The following ARID3A variants were observed in gnomAD, a reference collection of about 807,000 sequenced individuals.
ARID3A encodes the protein AT-rich interaction domain 3A, also known as AT-rich interactive domain-containing protein 3A.
ARID3A carries 11 observed loss-of-function variants against 52.7 expected under a neutral mutation model. That is an observed-to-expected ratio of 0.21 (90% CI 0.13 to 0.35). The LOEUF is 0.35. Ranked by LOEUF, ARID3A falls within the 10% of genes least tolerant of loss-of-function variation. The pLI is 1.00. For synonymous variants in ARID3A, 404 were observed against 359.4 expected (o/e 1.12, Z -1.40); for missense variants, 721 against 838.5 (o/e 0.86, Z 1.73).
chr19:932,607 T>C lies in ARID3A; in HGVS notation c.558T>C (p.Asp186=). 1 of 1,519,494 alleles carries C rather than the reference T, an allele frequency of 6.6e-7. No homozygotes were observed. Among genetic ancestry groups the C allele is most frequent in the Non-Finnish European group, 8.8e-7 (1 of 1,135,754 alleles). 94.1% of individuals were successfully genotyped at this position (1,519,494 alleles called of 1,614,324 possible). ...AGCCACCCCAGGCCTTCCGCGGCGA[T>C]GGCGTTCCCAGGGTGCTGGGGGGCC... is the stretch of plus-strand genomic sequence containing the variant. ...KAQPPQAFRG[D]GVPRVLGGQE... The change falls in exon 3 of 9, where the codon GAT becomes GAC. Residue 186 remains aspartate (D), a synonymous_variant. Coordinates refer to ENST00000263620, the MANE Select transcript of ARID3A (RefSeq NM_005224.3).
At chr19:968,623 C>G (rs78850921) in intron 8 of ARID3A, 120 bp downstream of exon 8, 88,597 of 818,848 alleles carry the variant, frequency 0.11, 5,955 homozygotes, top group South Asian at 0.27. Context: ...GAGCAGGGCA[C>G]GGCCAGGGGC....
intron 7 of ARID3A, 116 bp from the exon 8 acceptor site, chr19:968,289 G>T: frequency 1.3e-6 from 1 of 782,302 alleles, no homozygotes; most frequent in South Asian, 1.8e-5. Flanking sequence ...AACCCAGGAG[G>T]CAGAGCTTGC....
At chr19:969,404 G>T (rs1188990478) in intron 8 of ARID3A, among the ~76,000 whole-genome samples, 1 of 151,588 alleles carries the variant, frequency 6.6e-6, no homozygotes, top group East Asian at 2.0e-4. Flanking sequence ...GGGCGTGGTG[G>T]CAGGCGCCCA....
intron 1 of ARID3A, among the ~76,000 whole-genome samples, chr19:927,896 C>T (rs1365614999): frequency 6.7e-6 from 1 of 149,920 alleles, no homozygotes; most frequent in African/African-American, 2.4e-5. Flanking sequence ...CACCCACCTG[C>T]CCCCCACTGC....
chr19:949,139 A>G (rs907184166), intron 3 of ARID3A, among the ~76,000 whole-genome samples: 1 of 152,174 alleles, frequency 6.6e-6, no homozygotes, highest in African/African-American at 2.4e-5. Context: ...AAACCTGGTT[A>G]CCAGAGAGGT....
At chr19:967,113 G>A (rs1439948897) in intron 7 of ARID3A, among the ~76,000 whole-genome samples, 1 of 152,098 alleles carries the variant, frequency 6.6e-6, no homozygotes, top group Non-Finnish European at 1.5e-5. Flanking sequence ...CAACAAATTA[G>A]CCGGGCGTGG....
rs763956766 is a variant in ARID3A at position 932,454 on chromosome 19, C to T, written c.405C>T (p.Asp135=). The T allele has an allele frequency of 5.7e-6, 9 of 1,587,294 alleles. No homozygotes were observed. In the South Asian group the frequency reaches 9.1e-5, roughly 16 times the overall value. ...PKWEEEEMEE[D]LGEDEEEEEE... is the part of the protein sequence containing the mutation. The stretch of plus-strand genomic sequence containing the variant: ...GGGAGGAGGAGGAGATGGAGGAAGA[C>T]CTCGGGGAGGATGAGGAGGAGGAGG... The change falls in exon 3 of 9, where the codon GAC becomes GAT. Residue 135 remains aspartate (D), a synonymous_variant. Transcript: ENST00000263620.
At position 974,794 on chromosome 19, in the gene ARID3A, G is replaced by A. The variant is rs1237268400; in HGVS notation, c.*2729G>A. ...TCTGTGGGCGATCCGGCCTCCCGGCGGTGGGTGGACCTGGATTCTAACTCA... is the reference window on the plus strand; with the variant it reads ...TCTGTGGGCGATCCGGCCTCCCGGCAGTGGGTGGACCTGGATTCTAACTCA... On this transcript the variant is annotated 3_prime_UTR_variant, in exon 9 of 9. Coordinates refer to ENST00000263620, the MANE Select transcript of ARID3A (RefSeq NM_005224.3). The A allele has an allele frequency of 2.2e-5, 5 of 231,218 alleles. No homozygotes were observed. Among genetic ancestry groups the A allele is most frequent in the African/African-American group, 4.4e-5 (2 of 45,080 alleles). The allele number at this position is 231,218 out of a possible 1,614,324, so 14.3% of individuals were successfully genotyped here.
chr19:965,073 C>G lies in ARID3A; in HGVS notation c.1191C>G (p.Ile397Met). 6.2e-7 allele frequency: 1 copy of G among 1,609,770 alleles called. No individual in the cohort carries two copies. The highest frequency in any genetic ancestry group is 8.5e-7 in the Non-Finnish European group (1 of 1,178,358). The stretch of plus-strand genomic sequence containing the variant: ...GCTCCATCACCCCCGCCCCTAAGAT[C>G]AAGAAAGGTAAGGGCCTGTATGGGG... ...NGSSITPAPK[I>M]KKEEDSAIPI... is the part of the protein sequence containing the mutation. Residue 397 changes from isoleucine to methionine, a missense_variant, in exon 6 of 9, where the codon ATC becomes ATG. Around this residue, in one of 5 missense-constraint regions of ARID3A, gnomAD observed 297 missense variants for 343.2 expected, o/e 0.87. Transcript: ENST00000263620.
In ARID3A at chr19:938,953, C is replaced by T. The variant is rs544796180; in HGVS notation, c.693+6211C>T. ...CTCTTTTTTTTTTTTTTTTTTGAGA[C>T]GGAGTCTTGTTTTGTCACCCAGGCT... On this transcript the variant is annotated intron_variant, in intron 3 of 8. Transcript: ENST00000263620. This position sits in a 1 kb window ranked among gnomAD's most constrained non-coding sequence, Gnocchi z 4.0. 4.0e-5 allele frequency among the ~76,000 whole-genome samples: 5 copies of T among 125,670 alleles called. No homozygotes were observed. The highest frequency in any genetic ancestry group is 1.6e-5 in the Non-Finnish European group (1 of 61,762). 82.4% of individuals were successfully genotyped at this position (125,670 alleles called of 152,430 possible). A position where few individuals can be genotyped will look rare whatever the true frequency, so the allele number is the denominator to read the frequency against.
Position 971,933 on chromosome 19 carries a change from AGGCGGCGGC to A in ARID3A, c.1660_1668del (p.Gly554_Gly556del). On this transcript the variant is annotated inframe_deletion, in exon 9 of 9. Transcript: ENST00000263620. Reference sequence around the variant, plus strand: ...CGCCAACCTCTGCTCCCAACAAAGGAGGCGGCGGCGGCGGCGGCAGCAGCAGCAACGCAG... The same window carrying A: ...CGCCAACCTCTGCTCCCAACAAAGGAGGCGGCGGCAGCAGCAGCAACGCAG... The A allele has an allele frequency of 1.3e-6, 2 of 1,583,212 alleles. No homozygotes were observed. Among genetic ancestry groups the A allele is most frequent in the East Asian group, 2.3e-5 (1 of 42,762 alleles).
In ARID3A at chr19:938,123, C is replaced by T. The variant is rs570510381; in HGVS notation, c.693+5381C>T. Among the ~76,000 whole-genome samples the T allele has an allele frequency of 6.6e-6, 1 of 151,668 alleles. No homozygotes were observed. Among genetic ancestry groups the T allele is most frequent in the African/African-American group, 2.4e-5 (1 of 41,326 alleles). ...CGTCCCAGAGTGCTGGGATCACAGA[C>T]GTGAGCCACCGCGCCCGGCCTGTTG... On this transcript the variant is annotated intron_variant, in intron 3 of 8. Coordinates refer to ENST00000263620, the MANE Select transcript of ARID3A (RefSeq NM_005224.3). This position sits in a 1 kb window ranked among gnomAD's most constrained non-coding sequence, Gnocchi z 4.0.
At position 972,555 on chromosome 19, in the gene ARID3A, C is replaced by T. The variant is rs1416675491; in HGVS notation, c.*490C>T. 1 of 218,208 alleles carries T rather than the reference C, an allele frequency of 4.6e-6. No homozygotes were observed. The highest frequency in any genetic ancestry group is 6.6e-5 in the East Asian group (1 of 15,148). The allele number at this position is 218,208 out of a possible 1,614,324, so 13.5% of individuals were successfully genotyped here. A position where few individuals can be genotyped will look rare whatever the true frequency, so the allele number is the denominator to read the frequency against. On this transcript the variant is annotated 3_prime_UTR_variant, in exon 9 of 9. Coordinates refer to ENST00000263620, the MANE Select transcript of ARID3A (RefSeq NM_005224.3). The stretch of plus-strand genomic sequence containing the variant: ...TTCTATTCACCACACACTCACCACT[C>T]CCAGCTTCTCGTGTCCAGTGAAACC...
intron 3 of ARID3A, among the ~76,000 whole-genome samples, chr19:933,277 C>G (rs947688445): frequency 6.6e-6 from 1 of 152,084 alleles, no homozygotes; most frequent in African/African-American, 2.4e-5. Context: ...TCCGAGTGGG[C>G]GGTTAAGGCT....
intron 3 of ARID3A, among the ~76,000 whole-genome samples, chr19:945,114 A>T (rs1251974655): frequency 6.6e-6 from 1 of 152,116 alleles, no homozygotes; most frequent in East Asian, 1.9e-4. Flanking sequence ...TTGGGGAAGA[A>T]CTAGACAGAT....
chr19:955,259 G>GC (rs1052856360), intron 3 of ARID3A, among the ~76,000 whole-genome samples: 1 of 152,132 alleles, frequency 6.6e-6, no homozygotes, highest in Non-Finnish European at 1.5e-5. Flanking sequence ...AGGGCGGGGC[G>GC]CCCCCCACAG....
At chr19:949,215 G>T (rs1482784565) in intron 3 of ARID3A, among the ~76,000 whole-genome samples, 2 of 152,198 alleles carry the variant, frequency 1.3e-5, no homozygotes, top group Non-Finnish European at 2.9e-5. Flanking sequence ...GGGAGGCAGT[G>T]CTGGGTCCCG....
chr19:939,670 C>T (rs965577772), intron 3 of ARID3A, among the ~76,000 whole-genome samples: 1 of 152,080 alleles, frequency 6.6e-6, no homozygotes, highest in Non-Finnish European at 1.5e-5. Flanking sequence ...TGGGTGCGTT[C>T]GCGTCGTAAT....
intron 8 of ARID3A, among the ~76,000 whole-genome samples, chr19:971,056 G>A (rs997923050): frequency 3.9e-5 from 6 of 152,232 alleles, no homozygotes; most frequent in Non-Finnish European, 8.8e-5. Context: ...CGAACCATGG[G>A]CATCAGGGTT....
Sources: allele counts gnomAD v4.1 joint callset (sites outside exome capture counted in the v4.1 genomes callset), GRCh38; gene constraint gnomAD v4.1.1; regional missense constraint gnomAD v4.1.1; non-coding constraint Gnocchi (gnomAD v3.1); transcripts MANE v1.5; gene names NCBI Gene and HGNC (gene_info 2026-07-23, HGNC 2026-07-21).